The following PCDHGA4 variants were observed in gnomAD, a reference collection of about 807,000 sequenced individuals.
The protein encoded by PCDHGA4 is protocadherin gamma subfamily A, 4.
PCDHGA4 carries 38 observed loss-of-function variants against 54.6 expected under a neutral mutation model. The observed-to-expected ratio is 0.70, with a 90% CI of 0.54 to 0.91. The LOEUF is 0.91. Among genes scored for constraint, PCDHGA4 ranks in the 40% least tolerant of loss-of-function variants. PCDHGA4 has a pLI of 0.00. For synonymous variants in PCDHGA4, 511 were observed against 512.9 expected, an observed-to-expected ratio of 1.00 and a Z score of 0.05; for missense variants, 1,298 against 1,220.9, an observed-to-expected ratio of 1.06 and a Z score of -0.94.
rs923900490 is a variant in PCDHGA4, at chr5:141,383,761, C to T, written c.2514+26140C>T. 6 of 1,613,834 alleles carry T rather than the reference C, an allele frequency of 3.7e-6. No individual in the cohort carries two copies. The Admixed American group carries it at 1.0e-4, about 27-fold the overall frequency. Reference sequence around the variant, plus strand: ...TTCTTTTCGGAAAATAACTCCTAAACTTCCAAAGATGTTTCATCTGAACTC... The same window carrying T: ...TTCTTTTCGGAAAATAACTCCTAAATTTCCAAAGATGTTTCATCTGAACTC... On this transcript the variant is annotated intron_variant, in intron 1 of 3. Coordinates refer to ENST00000571252, the MANE Select transcript of PCDHGA4 (RefSeq NM_018917.4).
intron 1 of PCDHGA4, chr5:141,388,285 C>T (rs773340535): frequency 1.9e-6 from 3 of 1,613,200 alleles, no homozygotes; most frequent in Non-Finnish European, 2.5e-6. Flanking sequence ...CCAAAATTCA[C>T]GCAAAATTCC....
chr5:141,496,499 G>A (rs1417059875), intron 2 of PCDHGA4, among the ~76,000 whole-genome samples: 1 of 152,102 alleles, frequency 6.6e-6, no homozygotes, highest in Non-Finnish European at 1.5e-5. Context: ...AACCCTTGTT[G>A]CCACAAGGAC....
intron 1 of PCDHGA4, chr5:141,362,496 G>A: frequency 1.2e-6 from 2 of 1,614,004 alleles, no homozygotes; most frequent in South Asian, 1.1e-5. Context: ...ATGCCTCTTG[G>A]GAACAAAATA....
At position 141,357,215 on chromosome 5, in the gene PCDHGA4, T is replaced by C. The variant is rs566972487; in HGVS notation, c.2108T>C (p.Leu703Pro). Residue 703 changes from leucine (L) to proline (P), a missense_variant, in exon 1 of 4, where the codon CTG (leucine) becomes CCG (proline). Transcript: ENST00000571252. ...GTGGCCGACAGCATCCCAGATGTCC[T>C]GGCTGACTTGGGCAGCCTCAAGCCT... Reference protein sequence around the residue: ...VAVADSIPDVLADLGSLKPSA... With the variant: ...VAVADSIPDVPADLGSLKPSA... The C allele has an allele frequency of 5.3e-5, 86 of 1,613,818 alleles. No individual in the cohort carries two copies. The highest frequency in any genetic ancestry group is 7.6e-6 in the Non-Finnish European group (9 of 1,179,854).
At chr5:141,420,311 T>C (rs762191274) in intron 1 of PCDHGA4, 102 of 1,454,698 alleles carry the variant, frequency 7.0e-5, no homozygotes, top group Non-Finnish European at 9.3e-5. Flanking sequence ...CTTTTTATAT[T>C]ACAATATGCC....
chr5:141,399,419 G>A, intron 1 of PCDHGA4: 1 of 1,614,000 alleles, frequency 6.2e-7, no homozygotes, highest in East Asian at 2.2e-5. Flanking sequence ...CTCTCCTCCA[G>A]CATAAGCGTC....
chr5:141,409,495 T>C (rs777919409), intron 1 of PCDHGA4: 5 of 1,613,862 alleles, frequency 3.1e-6, no homozygotes, highest in Non-Finnish European at 4.2e-6. Context: ...GCAAGCCGCC[T>C]CTTTCTTCCA....
rs1686238986 is a variant in PCDHGA4 at position 141,431,536 on chromosome 5, G to A, written c.2515-63271G>A. The A allele has an allele frequency of 6.2e-7, 1 of 1,614,070 alleles. No homozygotes were observed. Among genetic ancestry groups the A allele is most frequent in the African/African-American group, 1.3e-5 (1 of 75,064 alleles). On this transcript the variant is annotated intron_variant, in intron 1 of 3. Transcript: ENST00000571252. The surrounding 1 kb of genome is among the most constrained non-coding windows in gnomAD (Gnocchi z 4.8). ...TTCCGGAGAATCTGGCCTTGGGCAC[G>A]CAGCTGCTTGTAGTCAACGCTACCG... is the stretch of plus-strand genomic sequence containing the variant.
chr5:141,368,313 G>A (rs1765575616), intron 1 of PCDHGA4, among the ~76,000 whole-genome samples: 1 of 152,024 alleles, frequency 6.6e-6, no homozygotes, highest in South Asian at 2.1e-4. Flanking sequence ...CTGTTAAAGA[G>A]CATTCAAGTA....
chr5:141,421,880 G>A (rs761272704), intron 1 of PCDHGA4: 3 of 1,613,600 alleles, frequency 1.9e-6, no homozygotes, highest in East Asian at 4.5e-5. Flanking sequence ...GCTTTAGATG[G>A]AGGCGATCCC....
chr5:141,376,476 T>C (rs1772728633), intron 1 of PCDHGA4: 19 of 1,614,192 alleles, frequency 1.2e-5, no homozygotes, highest in Middle Eastern at 1.6e-4. Context: ...CAGGATTTAC[T>C]TGAAACGAAA....
intron 1 of PCDHGA4, chr5:141,370,831 C>T (rs1445899321): frequency 6.2e-7 from 1 of 1,613,948 alleles, no homozygotes; most frequent in Non-Finnish European, 8.5e-7. Context: ...AGCGAACTGG[C>T]TCTCACTGGA....
chr5:141,414,255 G>A (rs776584940), intron 1 of PCDHGA4: 12 of 1,613,350 alleles, frequency 7.4e-6, no homozygotes, highest in Non-Finnish European at 1.0e-5. Flanking sequence ...TTAGTCCAGT[G>A]ACTGAAGATT....
chr5:141,487,031 G>A lies in PCDHGA4; in HGVS notation c.2515-7776G>A, dbSNP rs749130369. 1.2e-6 allele frequency: 2 copies of A among 1,614,182 alleles called. No homozygotes were observed. Among genetic ancestry groups the A allele is most frequent in the Non-Finnish European group, 1.7e-6 (2 of 1,180,028 alleles). On this transcript the variant is annotated intron_variant, in intron 1 of 3. Coordinates refer to ENST00000571252, the MANE Select transcript of PCDHGA4 (RefSeq NM_018917.4). The surrounding 1 kb of genome is among the most constrained non-coding windows in gnomAD (Gnocchi z 5.0). ...GGAGGCCCCAGATCCCAGCCTGTTT[G>A]CAGTCTCTCGATATGCTGGGGAGGT...
At chr5:141,394,400 G>A (rs747087099) in intron 1 of PCDHGA4, 2 of 1,614,246 alleles carry the variant, frequency 1.2e-6, no homozygotes, top group South Asian at 2.2e-5. Flanking sequence ...GAGACCTGCA[G>A]CTACTGGTAA....
In PCDHGA4 at chr5:141,404,612, G is replaced by A. The variant is rs774633321; in HGVS notation, c.2514+46991G>A. 2 of 1,614,110 alleles carry A rather than the reference G, an allele frequency of 1.2e-6. No homozygotes were observed. The highest frequency in any genetic ancestry group is 3.3e-5 in the Admixed American group (2 of 60,022). ...TGTGTCATTGAGACTGTTTGTTTTG[G>A]ACCAGAATGACAATGCCCCAGAAAT... On this transcript the variant is annotated intron_variant, in intron 1 of 3. Transcript: ENST00000571252.
chr5:141,485,539 G>C lies in PCDHGA4; in HGVS notation c.2515-9268G>C, dbSNP rs370323886. The C allele has an allele frequency of 9.9e-6, 16 of 1,613,986 alleles. No homozygotes were observed. In the African/African-American group the frequency reaches 2.0e-4, roughly 20 times the overall value. On this transcript the variant is annotated intron_variant, in intron 1 of 3. Transcript: ENST00000571252. This position sits in a 1 kb window ranked among gnomAD's most constrained non-coding sequence, Gnocchi z 5.7. ...TGGAAATGTACCGAGCAGAGGTAGA[G>C]ATCGTAGATGTGAATGATCACGCCC... is the stretch of plus-strand genomic sequence containing the variant.
Position 141,394,739 on chromosome 5 carries a change from C to A in PCDHGA4, c.2514+37118C>A, listed in dbSNP as rs377359689. 7.4e-6 allele frequency: 12 copies of A among 1,613,272 alleles called. No individual in the cohort carries two copies. In the African/African-American group the frequency reaches 1.2e-4, roughly 16 times the overall value. ...ACAGAGATGCGCTCAAGCAGAGCCT[C>A]GTGGTGGCCGTCCAGGACCATGGCC... On this transcript the variant is annotated intron_variant, in intron 1 of 3. Coordinates refer to ENST00000571252, the MANE Select transcript of PCDHGA4 (RefSeq NM_018917.4).
At chr5:141,382,983 A>G (rs1377762297) in intron 1 of PCDHGA4, 4 of 1,612,430 alleles carry the variant, frequency 2.5e-6, no homozygotes, top group Non-Finnish European at 3.4e-6. Flanking sequence ...AAGCCTGGGC[A>G]GGACGTATTC....
Sources: allele counts gnomAD v4.1 joint callset (sites outside exome capture counted in the v4.1 genomes callset), GRCh38; gene constraint gnomAD v4.1.1; non-coding constraint Gnocchi (gnomAD v3.1); transcripts MANE v1.5; gene names NCBI Gene and HGNC (gene_info 2026-07-23, HGNC 2026-07-21).